Variants in HEBP2 observed in about 807,000 individuals in gnomAD.
The protein encoded by HEBP2 is heme-binding protein 2.
A neutral mutation model predicts 23.1 loss-of-function variants in HEBP2; 27 were observed. The observed-to-expected ratio is 1.17, with a 90% CI of 0.86 to 1.61. HEBP2 has a LOEUF of 1.61. HEBP2 is among the 40% of genes most tolerant of loss of function. The pLI, the probability that HEBP2 is intolerant of heterozygous loss-of-function variation, is 0.00. For missense variants in HEBP2, 245 were observed against 253.8 expected (o/e 0.97, Z 0.24); for synonymous variants, 99 against 95.1 (o/e 1.04, Z -0.24).
rs1444358454 is a variant in HEBP2, at chr6:138,417,709, C to CA, written c.*4632dup. On this transcript the variant is annotated 3_prime_UTR_variant, in exon 4 of 4. Transcript: ENST00000607197. ...AGGAGAGGAGGCAGCAGCACACAGACAGAGAGTGCTGTAGATCTGCAGTGG... is the reference window on the plus strand; with the variant it reads ...AGGAGAGGAGGCAGCAGCACACAGACAAGAGAGTGCTGTAGATCTGCAGTGG... 1.3e-5 allele frequency: 2 copies of CA among 152,556 alleles called. No homozygotes were observed. The highest frequency in any genetic ancestry group is 4.8e-5 in the African/African-American group (2 of 41,560). The allele number at this position is 152,556 out of a possible 1,614,324, so 9.5% of individuals were successfully genotyped here.
chr6:138,412,804 C>T (rs1456153016), intron 3 of HEBP2, 76 bp from the exon 4 acceptor site: 14 of 1,272,480 alleles, frequency 1.1e-5, no homozygotes, highest in East Asian at 4.6e-5. Context: ...ACGGTACTAG[C>T]GCCCGCTTTT....
Position 138,416,251 on chromosome 6 carries a change from A to G in HEBP2, c.*3173A>G, listed in dbSNP as rs1774840457. On this transcript the variant is annotated 3_prime_UTR_variant, in exon 4 of 4. Coordinates refer to ENST00000607197, the MANE Select transcript of HEBP2 (RefSeq NM_014320.3). ...CACCATGAGAAAAATGCCAGGAGAT[A>G]ATACAGACTCACTGCTCTAGGGCAG... 6.6e-6 allele frequency: 1 copy of G among 152,336 alleles called. No homozygotes were observed. Among genetic ancestry groups the G allele is most frequent in the East Asian group, 1.9e-4 (1 of 5,204 alleles). 9.4% of individuals were successfully genotyped at this position (152,336 alleles called of 1,614,324 possible).
chr6:138,420,705 A>G lies in HEBP2; in HGVS notation c.*7627A>G, dbSNP rs1285412323. The G allele has an allele frequency of 1.3e-5, 2 of 152,282 alleles. No homozygotes were observed. The highest frequency in any genetic ancestry group is 6.5e-5 in the Admixed American group (1 of 15,286). 9.4% of individuals were successfully genotyped at this position (152,282 alleles called of 1,614,324 possible). A position where few individuals can be genotyped will look rare whatever the true frequency, so the allele number is the denominator to read the frequency against. On this transcript the variant is annotated 3_prime_UTR_variant, in exon 4 of 4. Coordinates refer to ENST00000607197, the MANE Select transcript of HEBP2 (RefSeq NM_014320.3). ...GGACCTAACTGTTTCAGTCCAACAC[A>G]GGACTCCTCCAATGAGTGACCTTTT...
chr6:138,412,914 CAAG>C lies in HEBP2; in HGVS notation c.457_459del (p.Glu153del). On this transcript the variant is annotated inframe_deletion, in exon 4 of 4. Coordinates refer to ENST00000607197, the MANE Select transcript of HEBP2 (RefSeq NM_014320.3). ...TGGATTTTCTAGTGCCCAAAAGAAT[CAAG>C]AACAACTTTTGACATTAGCAAGCAT... 1 of 1,614,004 alleles carries C rather than the reference CAAG, an allele frequency of 6.2e-7. No individual in the cohort carries two copies. The highest frequency in any genetic ancestry group is 8.5e-7 in the Non-Finnish European group (1 of 1,179,944).
At position 138,418,643 on chromosome 6, in the gene HEBP2, C is replaced by T; in HGVS notation, c.*5565C>T. 1 of 152,428 alleles carries T rather than the reference C, an allele frequency of 6.6e-6. No homozygotes were observed. Among genetic ancestry groups the T allele is most frequent in the Non-Finnish European group, 1.5e-5 (1 of 68,136 alleles). 9.4% of individuals were successfully genotyped at this position (152,428 alleles called of 1,614,324 possible). On this transcript the variant is annotated 3_prime_UTR_variant, in exon 4 of 4. Transcript: ENST00000607197. ...CAACCGCCATGTCTGCACAGTGGCA[C>T]CTACATCCCCCCTCCCTGTGGTTGT...
Position 138,407,628 on chromosome 6 carries a change from G to A in HEBP2, c.419+1477G>A, listed in dbSNP as rs12524685. Among the ~76,000 whole-genome samples the A allele has an allele frequency of 4.8e-3, 737 of 152,312 alleles. 2 individuals are homozygous for A. The highest frequency in any genetic ancestry group is 0.01 in the Middle Eastern group (3 of 292). On this transcript the variant is annotated intron_variant, in intron 3 of 3. Transcript: ENST00000607197. ...GTGGCCCTCCCAGTCTGGTGTGCCC[G>A]GCTCCCATGGCTCTGTTAGCCATTT...
rs1175993515 is a variant in HEBP2, at chr6:138,420,284, A to G, written c.*7206A>G. 2.0e-5 allele frequency: 3 copies of G among 152,120 alleles called. No homozygotes were observed. Among genetic ancestry groups the G allele is most frequent in the Non-Finnish European group, 2.9e-5 (2 of 68,026 alleles). 9.4% of individuals were successfully genotyped at this position (152,120 alleles called of 1,614,324 possible). A position where few individuals can be genotyped will look rare whatever the true frequency, so the allele number is the denominator to read the frequency against. On this transcript the variant is annotated 3_prime_UTR_variant, in exon 4 of 4. Transcript: ENST00000607197. ...GAGGACCAGTTGTGGTTCCAAAACC[A>G]TTTGCAGGAAGGTGCTATAGTTGGT... is the stretch of plus-strand genomic sequence containing the variant.
chr6:138,407,675 G>A (rs1254792743), intron 3 of HEBP2, among the ~76,000 whole-genome samples: 1 of 152,212 alleles, frequency 6.6e-6, no homozygotes, highest in Non-Finnish European at 1.5e-5. Context: ...ACTCACTGCA[G>A]TAGCTTGGTC....
At position 138,413,739 on chromosome 6, in the gene HEBP2, ATTG is replaced by A. The variant is rs1774793547; in HGVS notation, c.*663_*665del. 1.3e-5 allele frequency: 2 copies of A among 152,272 alleles called. No individual in the cohort carries two copies. Among genetic ancestry groups the A allele is most frequent in the African/African-American group, 4.8e-5 (2 of 41,434 alleles). 9.4% of individuals were successfully genotyped at this position (152,272 alleles called of 1,614,324 possible). ...CGTATTTTCATTCATTCTTTAACTC[ATTG>A]TAGGGAGTCCCTGCTATGTTCCAAG... On this transcript the variant is annotated 3_prime_UTR_variant, in exon 4 of 4. Transcript: ENST00000607197.
intron 3 of HEBP2, among the ~76,000 whole-genome samples, chr6:138,412,502 G>A (rs1438907899): frequency 1.3e-5 from 2 of 152,228 alleles, no homozygotes; most frequent in East Asian, 1.9e-4. Context: ...CGCCCAGGCT[G>A]GAGTGCAGTG....
intron 3 of HEBP2, among the ~76,000 whole-genome samples, chr6:138,412,490 G>A (rs768808791): frequency 2.6e-5 from 4 of 152,172 alleles, no homozygotes; most frequent in Non-Finnish European, 5.9e-5. Flanking sequence ...CTTGCACTCT[G>A]TCGCCCAGGC....
At chr6:138,410,852 G>T (rs1774734442) in intron 3 of HEBP2, among the ~76,000 whole-genome samples, 1 of 152,192 alleles carries the variant, frequency 6.6e-6, no homozygotes, top group Non-Finnish European at 1.5e-5. Context: ...GAATGGAAGA[G>T]TTATATCAAC....
rs937529502 is a variant in HEBP2, at chr6:138,404,439, C to T, written c.-57C>T. ...GGGCGCGCACACGCAGGCGGGGCGG[C>T]CCGGGGTGCGGGGCCTCTGCGCGGC... is the stretch of plus-strand genomic sequence containing the variant. On this transcript the variant is annotated 5_prime_UTR_variant, in exon 1 of 4. Transcript: ENST00000607197. 1.2e-4 allele frequency: 137 copies of T among 1,144,416 alleles called. No individual in the cohort carries two copies. The highest frequency in any genetic ancestry group is 1.5e-4 in the Non-Finnish European group (134 of 913,318). 70.9% of individuals were successfully genotyped at this position (1,144,416 alleles called of 1,614,324 possible).
In HEBP2 at chr6:138,420,116, A is replaced by G. The variant is rs1774896562; in HGVS notation, c.*7038A>G. 1 of 152,200 alleles carries G rather than the reference A, an allele frequency of 6.6e-6. No individual in the cohort carries two copies. The highest frequency in any genetic ancestry group is 6.5e-5 in the Admixed American group (1 of 15,276). The allele number at this position is 152,200 out of a possible 1,614,324, so 9.4% of individuals were successfully genotyped here. A position where few individuals can be genotyped will look rare whatever the true frequency, so the allele number is the denominator to read the frequency against. On this transcript the variant is annotated 3_prime_UTR_variant, in exon 4 of 4. Coordinates refer to ENST00000607197, the MANE Select transcript of HEBP2 (RefSeq NM_014320.3). ...TGTAACTGAATGGACTAGTGCAGCA[A>G]CCCTGGTCTGAGAAGGGTTTGGCTC...
chr6:138,405,307 G>A (rs368423808), intron 2 of HEBP2, 27 bp downstream of exon 2: 33 of 1,613,444 alleles, frequency 2.0e-5, no homozygotes, highest in Non-Finnish European at 2.8e-5. Context: ...TTGTAATTAT[G>A]CATATTGTGA....
In HEBP2 at chr6:138,416,692, T is replaced by C. The variant is rs192664013; in HGVS notation, c.*3614T>C. ...GCTCCAAATGGCAGCCGAGGGGTCC[T>C]GACCTGTAAAGTCTCATGGAAATAG... is the stretch of plus-strand genomic sequence containing the variant. On this transcript the variant is annotated 3_prime_UTR_variant, in exon 4 of 4. Coordinates refer to ENST00000607197, the MANE Select transcript of HEBP2 (RefSeq NM_014320.3). The C allele has an allele frequency of 6.6e-6, 1 of 152,384 alleles. No homozygotes were observed. Among genetic ancestry groups the C allele is most frequent in the East Asian group, 1.9e-4 (1 of 5,188 alleles). 9.4% of individuals were successfully genotyped at this position (152,384 alleles called of 1,614,324 possible).
intron 3 of HEBP2, chr6:138,412,122 C>A: frequency 2.3e-6 from 1 of 435,940 alleles, no homozygotes; most frequent in South Asian, 1.6e-5. Context: ...AAAATCGAGT[C>A]TGGAAAAGGG....
chr6:138,407,301 A>G (rs1197967708), intron 3 of HEBP2, among the ~76,000 whole-genome samples: 1 of 152,250 alleles, frequency 6.6e-6, no homozygotes, highest in Admixed American at 6.5e-5. Context: ...TGCTTCCAAA[A>G]TACAATGGTG....
chr6:138,408,111 G>A (rs1774681410), intron 3 of HEBP2, among the ~76,000 whole-genome samples: 1 of 152,218 alleles, frequency 6.6e-6, no homozygotes, highest in African/African-American at 2.4e-5. Context: ...CCTGGTTTCT[G>A]TTTAGATGGC....
Sources: allele counts gnomAD v4.1 joint callset (sites outside exome capture counted in the v4.1 genomes callset), GRCh38; gene constraint gnomAD v4.1.1; transcripts MANE v1.5; gene names NCBI Gene and HGNC (gene_info 2026-07-23, HGNC 2026-07-21).